SIGLEC5: variants seen among roughly 807,000 people sequenced by gnomAD.
SIGLEC5 encodes sialic acid binding Ig like lectin 5, also known as sialic acid-binding Ig-like lectin 5.
Under a neutral mutation model 45.9 loss-of-function variants are expected in SIGLEC5, and 34 were observed. The observed-to-expected ratio is 0.74, with a 90% CI of 0.56 to 0.99. The LOEUF (loss-of-function observed/expected upper bound fraction) is 0.99. Among genes scored for constraint, SIGLEC5 ranks in the 50% least tolerant of loss-of-function variants. The probability of loss-of-function intolerance (pLI) is 0.00; values close to 1 mark genes in which losing one functional copy is unlikely to be tolerated. For missense variants in SIGLEC5, 508 were observed against 629.6 expected (o/e 0.81, Z 2.07); for synonymous variants, 203 against 258.6 (o/e 0.79, Z 2.06).
At position 51,626,032 on chromosome 19, in the gene SIGLEC5, C is replaced by A; in HGVS notation, c.1464G>T (p.Ser488=). 2.5e-6 allele frequency: 4 copies of A among 1,612,918 alleles called. No homozygotes were observed. In the South Asian group the frequency reaches 4.4e-5, roughly 18 times the overall value. Residue 488 remains serine (S), a splice_region_variant and synonymous_variant, in exon 8 of 9, where the codon TCG becomes TCT. Transcript: ENST00000683636. ...ATGAGAAGATCCCCAAACCACTCACCGAGGTGATGGTACCCATAATGGGGT... is the reference window on the plus strand; with the variant it reads ...ATGAGAAGATCCCCAAACCACTCACAGAGGTGATGGTACCCATAATGGGGT... The part of the protein sequence containing the change: ...DEDPIMGTIT[S]GSRKKPWPDS...
chr19:51,616,927 A>AC (rs1555787902), intron 8 of SIGLEC5, among the ~76,000 whole-genome samples: 2 of 148,528 alleles, frequency 1.3e-5, no homozygotes, highest in East Asian at 3.9e-4. Flanking sequence ...AACAAAAAAA[A>AC]AAAACACTTG....
chr19:51,623,894 TATA>T (rs1416680142), intron 8 of SIGLEC5, among the ~76,000 whole-genome samples: 1 of 152,080 alleles, frequency 6.6e-6, no homozygotes, highest in East Asian at 1.9e-4. Context: ...AATCATAAAA[TATA>T]ATATTATAAG....
At chr19:51,629,123 T>G (rs1471391829) in intron 3 of SIGLEC5, 47 bp from the exon 4 acceptor site, 4 of 1,601,420 alleles carry the variant, frequency 2.5e-6, no homozygotes, top group Non-Finnish European at 3.4e-6. Flanking sequence ...AGGAGTGAGA[T>G]GGGCATGGGC....
chr19:51,623,743 C>T (rs760229120), intron 8 of SIGLEC5, among the ~76,000 whole-genome samples: 12 of 152,240 alleles, frequency 7.9e-5, no homozygotes, highest in Non-Finnish European at 1.5e-4. Context: ...ACATGCCCAG[C>T]GATGCGGCAA....
At chr19:51,626,773 A>G (rs182108379) in intron 7 of SIGLEC5, among the ~76,000 whole-genome samples, 32 of 152,330 alleles carry the variant, frequency 2.1e-4, no homozygotes, top group Non-Finnish European at 3.8e-4. Context: ...AACTCTGTCA[A>G]TATACTTAAA....
At chr19:51,619,496 T>C (rs1306561596) in intron 8 of SIGLEC5, among the ~76,000 whole-genome samples, 1 of 152,182 alleles carries the variant, frequency 6.6e-6, no homozygotes, top group Non-Finnish European at 1.5e-5. Context: ...CCATGTATTC[T>C]GACCAAAAAG....
chr19:51,616,059 A>G (rs1386689586), intron 8 of SIGLEC5, among the ~76,000 whole-genome samples: 1 of 152,198 alleles, frequency 6.6e-6, no homozygotes, highest in African/African-American at 2.4e-5. Context: ...TATAGGCGTG[A>G]GCCACCGTGC....
At chr19:51,618,217 A>G (rs1983138143) in intron 8 of SIGLEC5, among the ~76,000 whole-genome samples, 1 of 152,022 alleles carries the variant, frequency 6.6e-6, no homozygotes, top group African/African-American at 2.4e-5. Context: ...CATAATAAAT[A>G]CCAGCAGAGT....
At chr19:51,628,851 G>T (rs1983615859) in intron 4 of SIGLEC5, among the ~76,000 whole-genome samples, 187 bp downstream of exon 4, 1 of 139,216 alleles carries the variant, frequency 7.2e-6, no homozygotes, top group Non-Finnish European at 1.6e-5. Context: ...GTGTGCATGT[G>T]TGCGTGTGTA....
chr19:51,629,071 G>C lies in SIGLEC5; in HGVS notation c.706C>G (p.Pro236Ala), dbSNP rs773235543. 2.5e-6 allele frequency: 4 copies of C among 1,613,736 alleles called. No individual in the cohort carries two copies. In the Admixed American group the frequency reaches 5.0e-5, roughly 20 times the overall value. Reference sequence around the variant, plus strand: ...TTCCTGAAGATGGTGATGGTCTGTGGAGCATCTGGGATAAAAAGATATAAA... The same window carrying C: ...TTCCTGAAGATGGTGATGGTCTGTGCAGCATCTGGGATAAAAAGATATAAA... ...RTVQLNVSYA[P>A]QTITIFRNGI... The change falls in exon 4 of 9, where the codon CCA becomes GCA. Residue 236 changes from proline to alanine, a missense_variant. Physicochemically the swap from Pro to Ala is conservative, Grantham distance 27 (BLOSUM62 -1). Coordinates refer to ENST00000683636, the MANE Select transcript of SIGLEC5 (RefSeq NM_003830.4).
intron 4 of SIGLEC5, among the ~76,000 whole-genome samples, chr19:51,628,467 T>C (rs917954461): frequency 6.6e-6 from 1 of 152,068 alleles, no homozygotes; most frequent in African/African-American, 2.4e-5. Context: ...GAGAGGGGCA[T>C]GGAGTGGTCC....
intron 4 of SIGLEC5, 73 bp from the exon 5 acceptor site, chr19:51,628,164 C>G: frequency 2.8e-6 from 4 of 1,440,188 alleles, no homozygotes; most frequent in Non-Finnish European, 2.8e-6. Flanking sequence ...TCCCTCCTTC[C>G]CAGGATCCAG....
intron 8 of SIGLEC5, among the ~76,000 whole-genome samples, chr19:51,623,092 T>C (rs1983352160): frequency 6.6e-6 from 1 of 152,230 alleles, no homozygotes; most frequent in Non-Finnish European, 1.5e-5. Flanking sequence ...GGTACCCAAT[T>C]CTTCATGAAG....
chr19:51,622,556 G>T (rs1357047831), intron 8 of SIGLEC5, among the ~76,000 whole-genome samples: 1 of 151,894 alleles, frequency 6.6e-6, no homozygotes, highest in African/African-American at 2.4e-5. Context: ...ACTTATTTTT[G>T]AATTTATAGA....
intron 8 of SIGLEC5, among the ~76,000 whole-genome samples, chr19:51,612,871 G>A (rs546905554): frequency 1.4e-4 from 21 of 145,020 alleles, no homozygotes; most frequent in African/African-American, 4.8e-4. Context: ...TGGCTCATGG[G>A]TTCTTCTCTC....
At chr19:51,618,437 C>T (rs1395171445) in intron 8 of SIGLEC5, among the ~76,000 whole-genome samples, 2 of 96,444 alleles carry the variant, frequency 2.1e-5, no homozygotes, top group African/African-American at 3.5e-5. Context: ...TGAGTGAGAC[C>T]CTGCCTAAAA....
rs140046931 is a variant in SIGLEC5, at chr19:51,611,747, C to T, written c.*484G>A. 9.2e-5 allele frequency among the ~76,000 whole-genome samples: 14 copies of T among 152,250 alleles called. No individual in the cohort carries two copies. Among genetic ancestry groups the T allele is most frequent in the Non-Finnish European group, 1.8e-4 (12 of 67,990 alleles). Reference sequence around the variant, plus strand: ...ATGAACCAAGTGCCAGGCTGAGGGGCTGGTCTTTCCTAGGGAGTCTTCGAA... The same window carrying T: ...ATGAACCAAGTGCCAGGCTGAGGGGTTGGTCTTTCCTAGGGAGTCTTCGAA... On this transcript the variant is annotated 3_prime_UTR_variant, in exon 9 of 9. Transcript: ENST00000683636.
intron 8 of SIGLEC5, among the ~76,000 whole-genome samples, chr19:51,624,908 G>A (rs1983421646): frequency 6.6e-6 from 1 of 152,180 alleles, no homozygotes; most frequent in African/African-American, 2.4e-5. Flanking sequence ...AGGTTGCAGT[G>A]AGCCGAGGTT....
chr19:51,616,794 C>T (rs1983071958), intron 8 of SIGLEC5, among the ~76,000 whole-genome samples: 1 of 150,566 alleles, frequency 6.6e-6, no homozygotes, highest in Non-Finnish European at 1.5e-5. Context: ...ACCTGTAATC[C>T]CAGCTACTCG....
Sources: gnomAD v4.1 joint callset for allele counts (sites outside exome capture counted in the v4.1 genomes callset) on GRCh38, gnomAD v4.1.1 for gene constraint, MANE v1.5 for transcripts, NCBI Gene and HGNC (gene_info 2026-07-23, HGNC 2026-07-21) for gene names.